RABGAP1L: variants seen among roughly 807,000 people sequenced by gnomAD.
RABGAP1L encodes the protein RAB GTPase activating protein 1 like, also known as rab GTPase-activating protein 1-like.
Under a neutral mutation model 137.7 loss-of-function variants are expected in RABGAP1L, and 63 were observed. The observed-to-expected ratio is 0.46, with a 90% CI of 0.37 to 0.56. The LOEUF (loss-of-function observed/expected upper bound fraction) is 0.56. RABGAP1L is among the 20% of genes least tolerant of loss of function. RABGAP1L has a pLI of 0.00. For missense variants in RABGAP1L, 1,095 were observed against 1,244.0 expected, an observed-to-expected ratio of 0.88 and a Z score of 1.80; for synonymous variants, 431 against 433.7, an observed-to-expected ratio of 0.99 and a Z score of 0.08.
At chr1:174,766,201 T>C (rs747811175) in intron 18 of RABGAP1L, among the ~76,000 whole-genome samples, 13 of 152,292 alleles carry the variant, frequency 8.5e-5, no homozygotes, top group Middle Eastern at 3.4e-3. Flanking sequence ...GATCTTAGAC[T>C]TCTAGCCTCC....
At chr1:174,372,359 T>TG (rs1204094219) in intron 12 of RABGAP1L, among the ~76,000 whole-genome samples, 2 of 152,136 alleles carry the variant, frequency 1.3e-5, no homozygotes, top group Non-Finnish European at 2.9e-5. Flanking sequence ...CATACAGGGC[T>TG]GGTGCATAGT....
chr1:174,206,298 A>G (rs951585463), intron 1 of RABGAP1L, among the ~76,000 whole-genome samples: 5 of 152,194 alleles, frequency 3.3e-5, no homozygotes, highest in African/African-American at 7.2e-5. Flanking sequence ...TTTCAGAGCT[A>G]GAGACATACT....
chr1:174,227,700 T>C (rs940296134), intron 3 of RABGAP1L, among the ~76,000 whole-genome samples: 2 of 152,132 alleles, frequency 1.3e-5, no homozygotes, highest in African/African-American at 4.8e-5. Flanking sequence ...TGCTCTGGAG[T>C]TTATAACTCA....
chr1:174,546,796 C>T lies in RABGAP1L; in HGVS notation c.1711-90579C>T, dbSNP rs1443034774. On this transcript the variant is annotated intron_variant, in intron 13 of 25. Coordinates refer to ENST00000681986, the MANE Select transcript of RABGAP1L (RefSeq NM_001366446.1). The stretch of plus-strand genomic sequence containing the variant: ...CTGTAATCCCAGCACTTTGGGAGGC[C>T]AAGGCAGGCGGATCACGAGGTCAGG... Among the ~76,000 whole-genome samples, 6 of 151,862 alleles carry T rather than the reference C, an allele frequency of 4.0e-5. No individual in the cohort carries two copies. The East Asian group carries it at 9.7e-4, about 25-fold the overall frequency.
At chr1:174,217,426 G>T (rs1669422702) in intron 1 of RABGAP1L, among the ~76,000 whole-genome samples, 1 of 152,168 alleles carries the variant, frequency 6.6e-6, no homozygotes, top group Non-Finnish European at 1.5e-5. Flanking sequence ...TACTTAGAGT[G>T]TGTGACAAGG....
At chr1:174,881,248 C>T (rs1476855384) in intron 19 of RABGAP1L, among the ~76,000 whole-genome samples, 1 of 152,082 alleles carries the variant, frequency 6.6e-6, no homozygotes, top group Non-Finnish European at 1.5e-5. Flanking sequence ...CCCTGTAGCT[C>T]ATTTTTAAAT....
intron 19 of RABGAP1L, among the ~76,000 whole-genome samples, chr1:174,864,570 C>G (rs1306637370): frequency 6.6e-6 from 1 of 152,156 alleles, no homozygotes; most frequent in Non-Finnish European, 1.5e-5. Context: ...ACCATCAGAT[C>G]TCATGAGAAT....
chr1:174,297,140 CT>C (rs1449619974), intron 10 of RABGAP1L, among the ~76,000 whole-genome samples: 4 of 152,188 alleles, frequency 2.6e-5, no homozygotes, highest in African/African-American at 9.6e-5. Flanking sequence ...TTCTTAGTGT[CT>C]TAGGTTTATG....
At chr1:174,775,556 G>A (rs868682755) in intron 18 of RABGAP1L, among the ~76,000 whole-genome samples, 2 of 151,968 alleles carry the variant, frequency 1.3e-5, no homozygotes, top group African/African-American at 2.4e-5. Context: ...CAGGAGATCC[G>A]CCCACCTTGG....
intron 13 of RABGAP1L, among the ~76,000 whole-genome samples, chr1:174,484,877 A>C (rs1329541772): frequency 6.6e-6 from 1 of 152,146 alleles, no homozygotes; most frequent in Non-Finnish European, 1.5e-5. Flanking sequence ...TGTTTTCCCT[A>C]TTTCTGTGAA....
intron 13 of RABGAP1L, among the ~76,000 whole-genome samples, chr1:174,613,494 G>T (rs1435770568): frequency 6.6e-6 from 1 of 152,102 alleles, no homozygotes; most frequent in African/African-American, 2.4e-5. Flanking sequence ...GTCAATTTTG[G>T]AATAGGTGTG....
chr1:174,186,637 A>T (rs1029391077), intron 1 of RABGAP1L, among the ~76,000 whole-genome samples: 1 of 152,128 alleles, frequency 6.6e-6, no homozygotes, highest in African/African-American at 2.4e-5. Flanking sequence ...TCCACATTTG[A>T]CCTGTTACTA....
intron 11 of RABGAP1L, among the ~76,000 whole-genome samples, chr1:174,327,584 C>T (rs1304752911): frequency 6.6e-6 from 1 of 151,794 alleles, no homozygotes; most frequent in East Asian, 1.9e-4. Context: ...AAGAGAGGAA[C>T]AAAGGTTCTG....
intron 10 of RABGAP1L, among the ~76,000 whole-genome samples, chr1:174,291,999 T>C (rs1676650797): frequency 6.8e-6 from 1 of 148,052 alleles, no homozygotes; most frequent in Non-Finnish European, 1.5e-5. Context: ...TTTTTCTGGC[T>C]TCATGTGAAG....
At chr1:174,299,023 G>A (rs558787920) in intron 10 of RABGAP1L, among the ~76,000 whole-genome samples, 3 of 152,344 alleles carry the variant, frequency 2.0e-5, no homozygotes, top group East Asian at 3.9e-4. Flanking sequence ...GTTTTGAAAC[G>A]TGATTTCTCT....
chr1:174,965,410 A>G (rs1184454266), intron 20 of RABGAP1L, among the ~76,000 whole-genome samples: 3 of 152,190 alleles, frequency 2.0e-5, no homozygotes, highest in African/African-American at 7.2e-5. Context: ...CAACATTTCA[A>G]AATGAACCAA....
At chr1:174,946,334 T>C (rs1309363367) in intron 19 of RABGAP1L, among the ~76,000 whole-genome samples, 14 of 152,262 alleles carry the variant, frequency 9.2e-5, no homozygotes, top group Non-Finnish European at 1.9e-4. Context: ...GCTTTAACTT[T>C]GGTGTCAAAA....
Position 174,832,418 on chromosome 1 carries a change from C to G in RABGAP1L, c.2340+20458C>G, listed in dbSNP as rs533698607. Among the ~76,000 whole-genome samples the G allele has an allele frequency of 2.0e-5, 3 of 148,328 alleles. 1 individual carries two copies. Among genetic ancestry groups the G allele is most frequent in the African/African-American group, 7.4e-5 (3 of 40,740 alleles). On this transcript the variant is annotated intron_variant, in intron 19 of 25. Transcript: ENST00000681986. ...ATTAGACAAAACTTGCCTTTAATGC[C>G]TGGAGATACTTGCTGCTGTCAAAAG...
At chr1:174,467,321 G>C (rs932928005) in intron 13 of RABGAP1L, among the ~76,000 whole-genome samples, 3 of 151,450 alleles carry the variant, frequency 2.0e-5, no homozygotes, top group Non-Finnish European at 2.9e-5. Flanking sequence ...TCTTTTCAGG[G>C]GTCTACAGTT....
Sources: gnomAD v4.1 joint callset for allele counts (sites outside exome capture counted in the v4.1 genomes callset) on GRCh38, gnomAD v4.1.1 for gene constraint, MANE v1.5 for transcripts, NCBI Gene and HGNC (gene_info 2026-07-23, HGNC 2026-07-21) for gene names.